The following BORCS5 variants were observed in gnomAD, a reference collection of about 807,000 sequenced individuals.
BORCS5 encodes BLOC-1 related complex subunit 5.
BORCS5 carries 17 observed loss-of-function variants against 22.1 expected under a neutral mutation model. The observed-to-expected ratio is 0.77, with a 90% CI of 0.53 to 1.15. The LOEUF (loss-of-function observed/expected upper bound fraction) is 1.15, where lower values mean the gene tolerates loss of function less well. BORCS5 is among the 50% of genes most tolerant of loss of function. The probability of loss-of-function intolerance (pLI) is 0.00; values close to 1 mark genes in which losing one functional copy is unlikely to be tolerated. For missense variants in BORCS5, 247 were observed against 253.2 expected, an observed-to-expected ratio of 0.98 and a Z score of 0.17; for synonymous variants, 117 against 99.8, an observed-to-expected ratio of 1.17 and a Z score of -1.03.
chr12:12,433,457 A>G (rs1466408442), intron 2 of BORCS5, among the ~76,000 whole-genome samples: 1 of 151,826 alleles, frequency 6.6e-6, no homozygotes, highest in Non-Finnish European at 1.5e-5. Context: ...TCAGCAACAG[A>G]GGGAGATACC....
At chr12:12,431,881 A>G (rs1386041014) in intron 2 of BORCS5, among the ~76,000 whole-genome samples, 3 of 151,360 alleles carry the variant, frequency 2.0e-5, no homozygotes, top group African/African-American at 7.3e-5. Flanking sequence ...TTTAGTAGAG[A>G]TGGGGTTTCA....
At chr12:12,376,177 G>C (rs1029708399) in intron 2 of BORCS5, among the ~76,000 whole-genome samples, 1 of 151,096 alleles carries the variant, frequency 6.6e-6, no homozygotes, top group African/African-American at 2.4e-5. Flanking sequence ...CAAAAAGTCT[G>C]TTTTGATTTG....
chr12:12,361,362 G>A lies in BORCS5; in HGVS notation c.202+13G>A, dbSNP rs149400513. The A allele has an allele frequency of 3.4e-4, 553 of 1,611,066 alleles. 4 individuals are homozygous for A. In the African/African-American group the frequency reaches 6.7e-3, roughly 20 times the overall value. The stretch of plus-strand genomic sequence containing the variant: ...CCCCTTTTGAAAGGTAAAGGATTGC[G>A]TTTTGTTTTATCTGAACTTGCTGGA... On this transcript the variant is annotated intron_variant, in intron 2 of 3. Transcript: ENST00000314565.
chr12:12,455,314 C>T (rs1416419430), intron 3 of BORCS5, among the ~76,000 whole-genome samples: 1 of 152,182 alleles, frequency 6.6e-6, no homozygotes. Flanking sequence ...CTCCATATTC[C>T]TAAACTGACA....
intron 1 of BORCS5, among the ~76,000 whole-genome samples, chr12:12,358,276 G>A (rs1395587232): frequency 6.6e-6 from 1 of 152,228 alleles, no homozygotes; most frequent in Non-Finnish European, 1.5e-5. Flanking sequence ...TAAATCTGGG[G>A]CCTAAAAAGA....
At position 12,383,143 on chromosome 12, in the gene BORCS5, CTA is replaced by C. The variant is rs893409566; in HGVS notation, c.202+21796_202+21797del. On this transcript the variant is annotated intron_variant, in intron 2 of 3. Coordinates refer to ENST00000314565, the MANE Select transcript of BORCS5 (RefSeq NM_058169.6). The stretch of plus-strand genomic sequence containing the variant: ...TAACTGTTCCATTGATTTTTTTTAA[CTA>C]TGTATTTTTTGGAGTTGTTTTCTTA... Among the ~76,000 whole-genome samples the C allele has an allele frequency of 1.9e-4, 29 of 150,338 alleles. 2 individuals are homozygous for C. The highest frequency in any genetic ancestry group is 5.9e-4 in the African/African-American group (24 of 40,904).
At chr12:12,448,261 G>A in intron 3 of BORCS5, among the ~76,000 whole-genome samples, 1 of 151,986 alleles carries the variant, frequency 6.6e-6, no homozygotes, top group East Asian at 1.9e-4. Flanking sequence ...TGTGGCCCAG[G>A]CTGGAGTGCA....
chr12:12,424,053 G>A (rs1942214415), intron 2 of BORCS5, among the ~76,000 whole-genome samples: 1 of 152,004 alleles, frequency 6.6e-6, no homozygotes, highest in African/African-American at 2.4e-5. Context: ...TGAGTTTGTT[G>A]AGCTTCTTGG....
At chr12:12,435,828 G>A (rs1942543724) in intron 3 of BORCS5, 43 bp downstream of exon 3, 1 of 1,581,474 alleles carries the variant, frequency 6.3e-7, no homozygotes, top group Non-Finnish European at 8.6e-7. Context: ...TGGTTGTTGT[G>A]ATTCTCTGCA....
At chr12:12,438,050 T>A (rs1399986505) in intron 3 of BORCS5, among the ~76,000 whole-genome samples, 1 of 152,130 alleles carries the variant, frequency 6.6e-6, no homozygotes, top group Non-Finnish European at 1.5e-5. Context: ...TTTTTTACAG[T>A]TGTGCTAGAA....
At chr12:12,450,227 A>G (rs1375180141) in intron 3 of BORCS5, among the ~76,000 whole-genome samples, 2 of 152,338 alleles carry the variant, frequency 1.3e-5, no homozygotes, top group East Asian at 1.9e-4. Context: ...GCTTAGGGAT[A>G]GTGCTTGCCC....
At position 12,438,723 on chromosome 12, in the gene BORCS5, A is replaced by C. The variant is rs965777382; in HGVS notation, c.360+2938A>C. 2.0e-5 allele frequency among the ~76,000 whole-genome samples: 3 copies of C among 152,150 alleles called. No homozygotes were observed. The South Asian group carries it at 6.2e-4, about 32-fold the overall frequency. ...CAGCCACTACAATCATCAGCTTGCA[A>C]ATACTCCTGTTTTATCCATATCCCC... is the stretch of plus-strand genomic sequence containing the variant. On this transcript the variant is annotated intron_variant, in intron 3 of 3. Coordinates refer to ENST00000314565, the MANE Select transcript of BORCS5 (RefSeq NM_058169.6).
chr12:12,462,316 T>C (rs1189435952), intron 3 of BORCS5, among the ~76,000 whole-genome samples: 14 of 152,244 alleles, frequency 9.2e-5, no homozygotes, highest in Admixed American at 9.2e-4. Flanking sequence ...GGCTTACGTA[T>C]ATTTTCATTC....
intron 3 of BORCS5, chr12:12,452,079 C>T (rs1168821389): frequency 2.2e-6 from 1 of 453,528 alleles, no homozygotes; most frequent in Non-Finnish European, 4.3e-6. Flanking sequence ...CTGGATTTTA[C>T]CTGGGAGTAG....
In BORCS5 at chr12:12,381,745, A is replaced by G. The variant is rs1863779115; in HGVS notation, c.202+20396A>G. Among the ~76,000 whole-genome samples the G allele has an allele frequency of 2.0e-5, 3 of 151,512 alleles. 1 individual carries two copies. The highest frequency in any genetic ancestry group is 2.0e-4 in the Admixed American group (3 of 15,224). On this transcript the variant is annotated intron_variant, in intron 2 of 3. Coordinates refer to ENST00000314565, the MANE Select transcript of BORCS5 (RefSeq NM_058169.6). Reference sequence around the variant, plus strand: ...TAAACCATATGTGCTTTTAAAGACTATATAGTCTGCAGTCATTGGGTAGAG... The same window carrying G: ...TAAACCATATGTGCTTTTAAAGACTGTATAGTCTGCAGTCATTGGGTAGAG...
At chr12:12,430,151 A>ATTTTTTTTTTTTTTTTTTTTTTTTT (rs71061068) in intron 2 of BORCS5, among the ~76,000 whole-genome samples, 1 of 107,748 alleles carries the variant, frequency 9.3e-6, no homozygotes. Context: ...CTTAGAGAAA[A>ATTTTTTTTTTTTTTTTTTTTTTTTT]TTTTTTTTTT....
chr12:12,425,100 T>C (rs566315786), intron 2 of BORCS5, among the ~76,000 whole-genome samples: 2 of 152,256 alleles, frequency 1.3e-5, no homozygotes, highest in African/African-American at 4.8e-5. Context: ...GACAGGGTCC[T>C]TTTCTCCCCT....
chr12:12,432,740 A>G (rs1565909080), intron 2 of BORCS5, among the ~76,000 whole-genome samples: 1 of 152,242 alleles, frequency 6.6e-6, no homozygotes. Flanking sequence ...ACACATCTCT[A>G]AAGTTTTATG....
Position 12,361,250 on chromosome 12 carries a change from G to A in BORCS5, c.103G>A (p.Val35Met). The change falls in exon 2 of 4, where the codon GTG becomes ATG. Residue 35 changes from valine (V) to methionine (M), a missense_variant. By Grantham distance (21) the Val-to-Met change is conservative. Coordinates refer to ENST00000314565, the MANE Select transcript of BORCS5 (RefSeq NM_058169.6). ...AKHRAKMDDI[V>M]VVAQGSQASR... Reference sequence around the variant, plus strand: ...GCATAGAGCCAAGATGGATGATATTGTGGTTGTAGCTCAGGGCTCCCAGGC... The same window carrying A: ...GCATAGAGCCAAGATGGATGATATTATGGTTGTAGCTCAGGGCTCCCAGGC... 1.2e-6 allele frequency: 2 copies of A among 1,614,172 alleles called. No individual in the cohort carries two copies. The highest frequency in any genetic ancestry group is 1.7e-6 in the Non-Finnish European group (2 of 1,180,030).
Sources: gnomAD v4.1 joint callset for allele counts (sites outside exome capture counted in the v4.1 genomes callset) on GRCh38, gnomAD v4.1.1 for gene constraint, MANE v1.5 for transcripts, NCBI Gene and HGNC (gene_info 2026-07-23, HGNC 2026-07-21) for gene names.